Variants in TSHZ2 observed in about 807,000 individuals in gnomAD.
TSHZ2 encodes teashirt homolog 2.
TSHZ2 carries 21 observed loss-of-function variants against 74.4 expected under a neutral mutation model. That is an observed-to-expected ratio of 0.28 (90% CI 0.20 to 0.41). The LOEUF (loss-of-function observed/expected upper bound fraction) is 0.41. Among genes scored for constraint, TSHZ2 ranks in the 10% least tolerant of loss-of-function variants. The pLI is 1.00. For missense variants in TSHZ2, 1,244 were observed against 1,293.5 expected, an observed-to-expected ratio of 0.96 and a Z score of 0.59; for synonymous variants, 540 against 515.3, an observed-to-expected ratio of 1.05 and a Z score of -0.65.
chr20:53,166,135 G>A (rs1235466739), intron 1 of TSHZ2, among the ~76,000 whole-genome samples: 11 of 152,130 alleles, frequency 7.2e-5, no homozygotes, highest in Non-Finnish European at 1.5e-4. Context: ...GATATTGCTG[G>A]GAGCTTAGAG....
intron 2 of TSHZ2, among the ~76,000 whole-genome samples, chr20:53,291,766 G>A (rs1446406472): frequency 6.6e-6 from 1 of 151,994 alleles, no homozygotes; most frequent in Non-Finnish European, 1.5e-5. Flanking sequence ...TTTCACCCAG[G>A]TCATGATAAA....
intron 1 of TSHZ2, among the ~76,000 whole-genome samples, chr20:53,086,251 G>A (rs563324046): frequency 6.6e-5 from 10 of 152,200 alleles, no homozygotes; most frequent in Non-Finnish European, 1.3e-4. Flanking sequence ...GCAAAGGTGG[G>A]GTTGAGTGGG....
intron 1 of TSHZ2, among the ~76,000 whole-genome samples, chr20:53,173,658 T>A (rs2123490758): frequency 6.6e-6 from 1 of 152,264 alleles, no homozygotes; most frequent in African/African-American, 2.4e-5. Context: ...TGGATCAAGC[T>A]TTTAGGTATA....
chr20:53,109,677 T>C (rs941757339), intron 1 of TSHZ2, among the ~76,000 whole-genome samples: 1 of 152,250 alleles, frequency 6.6e-6, no homozygotes, highest in African/African-American at 2.4e-5. Context: ...TCTAAAAGAA[T>C]CATTCTTTGG....
intron 1 of TSHZ2, chr20:53,179,320 C>G (rs372933240): frequency 6.6e-6 from 1 of 152,176 alleles, no homozygotes; most frequent in African/African-American, 2.4e-5. Context: ...ATTATCAAAC[C>G]TCTGTATGGG....
chr20:53,358,842 T>G (rs1980948645), intron 2 of TSHZ2, among the ~76,000 whole-genome samples: 1 of 152,212 alleles, frequency 6.6e-6, no homozygotes, highest in Non-Finnish European at 1.5e-5. Flanking sequence ...TGACAGATAA[T>G]CTAGGTGACA....
chr20:52,972,707 G>C lies in TSHZ2; in HGVS notation c.-587G>C, dbSNP rs995547131. 4 of 158,082 alleles carry C rather than the reference G, an allele frequency of 2.5e-5. No individual in the cohort carries two copies. Among genetic ancestry groups the C allele is most frequent in the Non-Finnish European group, 5.5e-5 (4 of 72,380 alleles). The allele number at this position is 158,082 out of a possible 1,614,324, so 9.8% of individuals were successfully genotyped here. A position where few individuals can be genotyped will look rare whatever the true frequency, so the allele number is the denominator to read the frequency against. Reference sequence around the variant, plus strand: ...CCATAGAGATCGGCGAGGAGGAGGAGGAGGAGGAGGAAGAAAAGAAGGAGG... The same window carrying C: ...CCATAGAGATCGGCGAGGAGGAGGACGAGGAGGAGGAAGAAAAGAAGGAGG... On this transcript the variant is annotated 5_prime_UTR_variant, in exon 1 of 3. Coordinates refer to ENST00000371497, the MANE Select transcript of TSHZ2 (RefSeq NM_173485.6).
intron 1 of TSHZ2, among the ~76,000 whole-genome samples, chr20:53,022,385 GT>G (rs1236734262): frequency 3.3e-5 from 5 of 152,170 alleles, no homozygotes; most frequent in Non-Finnish European, 7.3e-5. Context: ...CAAATTTACA[GT>G]GTCAACGTGC....
rs577603397 is a variant in TSHZ2 at position 53,176,714 on chromosome 20, G to A, written c.41-76785G>A. ...TCTTTTTTTTTTTTTTTTAGACGAA[G>A]TCTCGCTCTGTCACCAGGCTGGAGT... On this transcript the variant is annotated intron_variant, in intron 1 of 2. Coordinates refer to ENST00000371497, the MANE Select transcript of TSHZ2 (RefSeq NM_173485.6). 9.0e-4 allele frequency among the ~76,000 whole-genome samples: 129 copies of A among 143,840 alleles called. 1 individual carries two copies. Among genetic ancestry groups the A allele is most frequent in the South Asian group, 2.2e-3 (10 of 4,542 alleles). The allele number at this position is 143,840 out of a possible 152,430, so 94.4% of individuals were successfully genotyped here.
chr20:53,376,868 T>C (rs1981676821), intron 2 of TSHZ2, among the ~76,000 whole-genome samples: 1 of 152,268 alleles, frequency 6.6e-6, no homozygotes, highest in Non-Finnish European at 1.5e-5. Context: ...AAGTCTCTTA[T>C]GACCTAGCTT....
chr20:52,994,004 A>G (rs891349910), intron 1 of TSHZ2, among the ~76,000 whole-genome samples: 26 of 152,226 alleles, frequency 1.7e-4, no homozygotes, highest in Non-Finnish European at 4.4e-5. Flanking sequence ...CAAGAATAAC[A>G]CAAAAGAGGC....
intron 2 of TSHZ2, among the ~76,000 whole-genome samples, chr20:53,469,049 ATAT>A (rs1568931545): frequency 1.6e-5 from 1 of 63,090 alleles, no homozygotes; most frequent in East Asian, 5.0e-4. Flanking sequence ...GATATTTTAT[ATAT>A]ATATATATAT....
At chr20:53,323,903 C>T (rs915525971) in intron 2 of TSHZ2, among the ~76,000 whole-genome samples, 5 of 152,118 alleles carry the variant, frequency 3.3e-5, no homozygotes, top group Non-Finnish European at 7.4e-5. Context: ...ATTACATCCT[C>T]TTGATCACAT....
At chr20:53,243,469 G>A (rs1011209776) in intron 1 of TSHZ2, among the ~76,000 whole-genome samples, 1 of 152,148 alleles carries the variant, frequency 6.6e-6, no homozygotes, top group African/African-American at 2.4e-5. Flanking sequence ...CGATCAAATT[G>A]TACCATGATG....
intron 2 of TSHZ2, among the ~76,000 whole-genome samples, chr20:53,441,928 G>C (rs892723383): frequency 1.3e-5 from 2 of 152,126 alleles, no homozygotes; most frequent in African/African-American, 4.8e-5. Context: ...TCCACTCGAG[G>C]GCTGTGCAGA....
Position 53,471,637 on chromosome 20 carries a change from G to T in TSHZ2, c.*9-15507G>T, listed in dbSNP as rs139326244. On this transcript the variant is annotated intron_variant, in intron 2 of 2. Coordinates refer to ENST00000371497, the MANE Select transcript of TSHZ2 (RefSeq NM_173485.6). The stretch of plus-strand genomic sequence containing the variant: ...AAACAAAGAGTGGGAAGAAGAGCAT[G>T]CTAAGCAGAGGGAGCAGCACGTGCA... 2.0e-5 allele frequency among the ~76,000 whole-genome samples: 3 copies of T among 152,242 alleles called. No homozygotes were observed. The East Asian group carries it at 5.8e-4, about 29-fold the overall frequency.
intron 1 of TSHZ2, among the ~76,000 whole-genome samples, chr20:53,005,710 C>A (rs1011888448): frequency 1.3e-5 from 2 of 152,196 alleles, no homozygotes; most frequent in Non-Finnish European, 2.9e-5. Context: ...TAAAGTAGAA[C>A]AAACCTTTGT....
intron 2 of TSHZ2, among the ~76,000 whole-genome samples, chr20:53,336,010 A>T (rs748797590): frequency 6.6e-6 from 1 of 152,102 alleles, no homozygotes; most frequent in Non-Finnish European, 1.5e-5. Context: ...TTTTTAAAAA[A>T]CTCATTTCAA....
chr20:53,368,253 A>T (rs1396166748), intron 2 of TSHZ2, among the ~76,000 whole-genome samples: 2 of 151,632 alleles, frequency 1.3e-5, no homozygotes, highest in East Asian at 3.9e-4. Context: ...CTGCTAAACC[A>T]AACCAAAATA....
Sources: allele counts gnomAD v4.1 joint callset (sites outside exome capture counted in the v4.1 genomes callset), GRCh38; gene constraint gnomAD v4.1.1; transcripts MANE v1.5; gene names NCBI Gene and HGNC (gene_info 2026-07-23, HGNC 2026-07-21).